DYNC1I1: variants seen among roughly 807,000 people sequenced by gnomAD.
DYNC1I1 encodes the protein dynein cytoplasmic 1 intermediate chain 1.
A neutral mutation model predicts 86.6 loss-of-function variants in DYNC1I1; 43 were observed. That is an observed-to-expected ratio of 0.50 (90% confidence interval 0.39 to 0.64). The LOEUF (loss-of-function observed/expected upper bound fraction) is 0.64. DYNC1I1 is among the 30% of genes least tolerant of loss of function. DYNC1I1 has a pLI of 0.00. For synonymous variants in DYNC1I1, 262 were observed against 283.7 expected (o/e 0.92, Z 0.77); for missense variants, 604 against 788.8 (o/e 0.77, Z 2.81).
At chr7:95,812,959 G>A (rs1794862264) in intron 3 of DYNC1I1, among the ~76,000 whole-genome samples, 1 of 152,126 alleles carries the variant, frequency 6.6e-6, no homozygotes, top group South Asian at 2.1e-4. Context: ...TATCTGGATA[G>A]CTATTTTGAT....
At chr7:95,796,500 TTCC>T (rs1252322909) in intron 1 of DYNC1I1, among the ~76,000 whole-genome samples, 1 of 152,068 alleles carries the variant, frequency 6.6e-6, no homozygotes, top group Non-Finnish European at 1.5e-5. Flanking sequence ...AGGCCTCACT[TTCC>T]TCCTAACTCT....
intron 10 of DYNC1I1, among the ~76,000 whole-genome samples, chr7:96,010,622 G>C (rs1008602434): frequency 2.0e-5 from 3 of 152,306 alleles, no homozygotes; most frequent in South Asian, 4.1e-4. Context: ...CTTTTTGGGG[G>C]TGGAGAGAAA....
At chr7:95,942,466 CT>C (rs1261895526) in intron 6 of DYNC1I1, among the ~76,000 whole-genome samples, 1 of 152,208 alleles carries the variant, frequency 6.6e-6, no homozygotes, top group Non-Finnish European at 1.5e-5. Flanking sequence ...GGTACCATTC[CT>C]TCTGAAACTA....
intron 10 of DYNC1I1, among the ~76,000 whole-genome samples, chr7:96,006,352 A>G (rs769571491): frequency 1.3e-5 from 2 of 152,170 alleles, no homozygotes; most frequent in Non-Finnish European, 2.9e-5. Context: ...GCAGGTGCTC[A>G]GAGGAGAGAA....
At chr7:96,100,854 A>C (rs2116343406), downstream of DYNC1I1, among the ~76,000 whole-genome samples, 1 of 152,268 alleles carries the variant, frequency 6.6e-6, no homozygotes, top group African/African-American at 2.4e-5. Flanking sequence ...GGTATGTTAG[A>C]ATAGATATAT....
At chr7:95,830,494 A>G (rs1795297178) in intron 5 of DYNC1I1, among the ~76,000 whole-genome samples, 1 of 152,138 alleles carries the variant, frequency 6.6e-6, no homozygotes, top group Non-Finnish European at 1.5e-5. Flanking sequence ...GACTTCCTTC[A>G]TTCAGAAGGA....
intron 1 of DYNC1I1, among the ~76,000 whole-genome samples, chr7:95,781,094 G>A (rs1313711344): frequency 2.0e-5 from 3 of 151,660 alleles, no homozygotes; most frequent in Admixed American, 6.6e-5. Flanking sequence ...TTTGGAAAGA[G>A]GATCCTCCCT....
intron 4 of DYNC1I1, among the ~76,000 whole-genome samples, chr7:95,814,715 T>C (rs1794909281): frequency 6.6e-6 from 1 of 152,132 alleles, no homozygotes; most frequent in South Asian, 2.1e-4. Flanking sequence ...TATTTCTGCC[T>C]GTTGGTGTCC....
At chr7:96,103,768 A>G (rs564815128) in intron 16 of DYNC1I1, among the ~76,000 whole-genome samples, 1 of 152,030 alleles carries the variant, frequency 6.6e-6, no homozygotes, top group African/African-American at 2.4e-5. Flanking sequence ...ATATACCACC[A>G]TGCCTGGCTA....
intron 1 of DYNC1I1, among the ~76,000 whole-genome samples, chr7:95,790,792 T>G (rs528810441): frequency 1.3e-5 from 2 of 152,180 alleles, no homozygotes; most frequent in Non-Finnish European, 2.9e-5. Context: ...TGAGAGCATG[T>G]GCTGTGGAGA....
chr7:95,813,645 T>C (rs1794883819), intron 4 of DYNC1I1, among the ~76,000 whole-genome samples: 1 of 152,178 alleles, frequency 6.6e-6, no homozygotes, highest in African/African-American at 2.4e-5. Context: ...TTTTCATTAT[T>C]TAGTAGATAA....
In DYNC1I1 at chr7:95,995,974, C is replaced by G; in HGVS notation, c.870C>G (p.Tyr290Ter). 1 of 1,608,626 alleles carries G rather than the reference C, an allele frequency of 6.2e-7. No individual in the cohort carries two copies. The highest frequency in any genetic ancestry group is 8.5e-7 in the Non-Finnish European group (1 of 1,178,228). The change falls in exon 10 of 17, where the codon TAC (tyrosine) becomes TAG (stop). Residue 290 changes from tyrosine (Y) to a stop codon, truncating the protein, a stop_gained. Transcript: ENST00000447467. LOFTEE classifies it high-confidence loss of function. ...ACCCTGAGCTGATGGTGGCTTCTTACAACAACAATGAAGATGCTCCCCATG... is the reference window on the plus strand; with the variant it reads ...ACCCTGAGCTGATGGTGGCTTCTTAGAACAACAATGAAGATGCTCCCCATG... ...LQYPELMVASYNNNEDAPHEP... is the reference protein window; with the variant it reads ...LQYPELMVAS
chr7:95,965,369 A>G (rs991186833), intron 6 of DYNC1I1, among the ~76,000 whole-genome samples: 2 of 152,196 alleles, frequency 1.3e-5, no homozygotes, highest in Non-Finnish European at 2.9e-5. Flanking sequence ...TTGAAACAGA[A>G]TGGAATGTGG....
At chr7:95,781,896 A>C (rs1405175232) in intron 1 of DYNC1I1, among the ~76,000 whole-genome samples, 5 of 152,190 alleles carry the variant, frequency 3.3e-5, no homozygotes, top group Admixed American at 3.3e-4. Context: ...GGTGAAAAGT[A>C]ACCAGAATTC....
intron 6 of DYNC1I1, among the ~76,000 whole-genome samples, chr7:95,940,438 T>G (rs1463592199): frequency 6.6e-6 from 1 of 152,250 alleles, no homozygotes; most frequent in African/African-American, 2.4e-5. Context: ...GGTACACCAA[T>G]CAGACACAGA....
intron 14 of DYNC1I1, among the ~76,000 whole-genome samples, chr7:96,073,187 C>T (rs369435302): frequency 4.6e-5 from 7 of 152,156 alleles, no homozygotes; most frequent in South Asian, 2.1e-4. Context: ...CAAACACACA[C>T]GTACTGTAGC....
At chr7:96,086,514 A>G (rs921768451) in intron 16 of DYNC1I1, among the ~76,000 whole-genome samples, 2 of 152,222 alleles carry the variant, frequency 1.3e-5, no homozygotes, top group African/African-American at 4.8e-5. Context: ...TTGATTTGGT[A>G]TCCTATTCAC....
intron 5 of DYNC1I1, among the ~76,000 whole-genome samples, chr7:95,851,127 G>T (rs1789567032): frequency 6.6e-6 from 1 of 152,032 alleles, no homozygotes; most frequent in South Asian, 2.1e-4. Context: ...AACAGAAGAG[G>T]TCTCACTTTG....
chr7:96,057,935 A>T (rs181533090), intron 14 of DYNC1I1, among the ~76,000 whole-genome samples: 1 of 152,280 alleles, frequency 6.6e-6, no homozygotes, highest in Non-Finnish European at 1.5e-5. Context: ...AGTGACTGAA[A>T]CACAACTGAC....
Sources: allele counts gnomAD v4.1 joint callset (sites outside exome capture counted in the v4.1 genomes callset), GRCh38; gene constraint gnomAD v4.1.1; transcripts MANE v1.5; gene names NCBI Gene and HGNC (gene_info 2026-07-23, HGNC 2026-07-21).